Variants in UBASH3A observed in about 807,000 individuals in gnomAD.
UBASH3A encodes ubiquitin associated and SH3 domain containing A, also known as ubiquitin-associated and SH3 domain-containing protein A.
UBASH3A carries 63 observed loss-of-function variants against 73.5 expected under a neutral mutation model. That is an observed-to-expected ratio of 0.86 (90% CI 0.70 to 1.06). UBASH3A has a LOEUF of 1.06. Among genes scored for constraint, UBASH3A ranks in the 50% least tolerant of loss-of-function variants. UBASH3A has a pLI of 0.00. For synonymous variants in UBASH3A, 363 were observed against 351.1 expected (o/e 1.03, Z -0.38); for missense variants, 860 against 859.0 (o/e 1.00, Z -0.02).
At chr21:42,435,182 A>G in intron 10 of UBASH3A, 1 of 383,992 alleles carries the variant, frequency 2.6e-6, no homozygotes, top group Non-Finnish European at 4.6e-6. Context: ...TGATTCAGGA[A>G]GTTGGCAGGA....
At chr21:42,429,521 G>A (rs79268926) in intron 8 of UBASH3A, among the ~76,000 whole-genome samples, 8,437 of 152,256 alleles carry the variant, frequency 0.055, 358 homozygotes, top group Middle Eastern at 0.13. Context: ...ACTTCAGCCC[G>A]CAAGTTGAAA....
intron 6 of UBASH3A, among the ~76,000 whole-genome samples, 177 bp from the exon 7 acceptor site, chr21:42,418,224 G>A (rs536051514): frequency 1.0e-3 from 156 of 152,212 alleles, no homozygotes; most frequent in Non-Finnish European, 1.8e-3. Context: ...TCTATGCTGC[G>A]TTTCATTACA....
At chr21:42,428,927 G>A (rs981513556) in intron 8 of UBASH3A, among the ~76,000 whole-genome samples, 6 of 152,134 alleles carry the variant, frequency 3.9e-5, no homozygotes, top group African/African-American at 1.2e-4. Flanking sequence ...CCCTAATCCC[G>A]GGAACTTGTG....
Position 42,432,089 on chromosome 21 carries a change from GCCCCA to G in UBASH3A, c.1171-9_1171-5del. On this transcript the variant is annotated splice_polypyrimidine_tract_variant and intron_variant, in intron 8 of 14. Coordinates refer to ENST00000319294, the MANE Select transcript of UBASH3A (RefSeq NM_018961.4). The stretch of plus-strand genomic sequence containing the variant: ...TTAAACTGCATGTGCCTTGCTTCCT[GCCCCA>G]CCCCCCAGGCTACCGTTGCAAGGAA... The G allele has an allele frequency of 6.3e-7, 1 of 1,587,362 alleles. No homozygotes were observed. The highest frequency in any genetic ancestry group is 8.6e-7 in the Non-Finnish European group (1 of 1,158,132).
At chr21:42,426,647 C>A (rs2053440945) in intron 7 of UBASH3A, 50 bp from the exon 8 acceptor site, 1 of 1,601,126 alleles carries the variant, frequency 6.2e-7, no homozygotes, top group Non-Finnish European at 8.5e-7. Context: ...GTCTCCATGG[C>A]AACAACATGG....
At chr21:42,431,618 C>A (rs1390944051) in intron 8 of UBASH3A, among the ~76,000 whole-genome samples, 1 of 152,224 alleles carries the variant, frequency 6.6e-6, no homozygotes, top group Non-Finnish European at 1.5e-5. Context: ...GAATTCATAC[C>A]TGGGAGCCAT....
chr21:42,427,721 G>A (rs1353910677), intron 8 of UBASH3A, among the ~76,000 whole-genome samples: 4 of 152,184 alleles, frequency 2.6e-5, no homozygotes, highest in Non-Finnish European at 5.9e-5. Context: ...GGCCCCTGGT[G>A]CGGAGAAACT....
At position 42,434,949 on chromosome 21, in the gene UBASH3A, T is replaced by C. The variant is rs1190019272; in HGVS notation, c.1388T>C (p.Ile463Thr). ...TCGTGTGGCATTTTCCAGTCCAGAATTGCAGGTATGTTTGAGGACTGTCTA... is the reference window on the plus strand; with the variant it reads ...TCGTGTGGCATTTTCCAGTCCAGAACTGCAGGTATGTTTGAGGACTGTCTA... ...LSSCGIFQSR[I>T]AGDALLDSGI... is the part of the protein sequence containing the mutation. Residue 463 changes from isoleucine to threonine, a missense_variant, in exon 10 of 15, where the codon ATT (isoleucine) becomes ACT (threonine). By Grantham distance (89) the Ile-to-Thr change is moderately conservative. Coordinates refer to ENST00000319294, the MANE Select transcript of UBASH3A (RefSeq NM_018961.4). The C allele has an allele frequency of 2.5e-6, 4 of 1,614,002 alleles. No individual in the cohort carries two copies. The African/African-American group carries it at 4.0e-5, about 16-fold the overall frequency.
rs1376325128 is a variant in UBASH3A, at chr21:42,413,187, C to T, written c.518C>T (p.Ala173Val). ...CCCGCAGACGTCATCCGGGAATTCG[C>T]CATGACCTTCGCCACGGAAGCATCT... ...GSPADVIREF[A>V]MTFATEASLL... The change falls in exon 4 of 15, where the codon GCC (alanine) becomes GTC (valine). Residue 173 changes from alanine (A) to valine (V), a missense_variant. Physicochemically the swap from Ala to Val is moderately conservative, Grantham distance 64 (BLOSUM62 0). Coordinates refer to ENST00000319294, the MANE Select transcript of UBASH3A (RefSeq NM_018961.4). This position sits in a 1 kb window ranked among gnomAD's most constrained non-coding sequence, Gnocchi z 4.5. The T allele has an allele frequency of 6.2e-7, 1 of 1,614,244 alleles. No individual in the cohort carries two copies.
chr21:42,421,396 A>G (rs770246372), intron 7 of UBASH3A, among the ~76,000 whole-genome samples: 4 of 152,238 alleles, frequency 2.6e-5, no homozygotes, highest in Non-Finnish European at 5.9e-5. Context: ...CATCGTGGCC[A>G]TCCCTCTGTC....
Position 42,444,542 on chromosome 21 carries a change from A to G in UBASH3A, c.1747A>G (p.Ile583Val), listed in dbSNP as rs2053813312. ...GTTCTTGTTTTCCACAGCGGGTGTC[A>G]TCCTAATTGTGAGTCACGGCTCCAC... Reference protein sequence around the residue: ...VNTCPQDTGVILIVSHGSTLD... With the variant: ...VNTCPQDTGVVLIVSHGSTLD... Residue 583 changes from isoleucine to valine, a missense_variant, in exon 14 of 15, where the codon ATC (isoleucine) becomes GTC (valine). By Grantham distance (29) the Ile-to-Val change is conservative. Coordinates refer to ENST00000319294, the MANE Select transcript of UBASH3A (RefSeq NM_018961.4). The G allele has an allele frequency of 2.5e-6, 4 of 1,612,864 alleles. No individual in the cohort carries two copies. Among genetic ancestry groups the G allele is most frequent in the Non-Finnish European group, 3.4e-6 (4 of 1,179,820 alleles).
chr21:42,409,311 G>T lies in UBASH3A; in HGVS notation c.168-111G>T, dbSNP rs2053041957. On this transcript the variant is annotated intron_variant, in intron 2 of 14. Coordinates refer to ENST00000319294, the MANE Select transcript of UBASH3A (RefSeq NM_018961.4). Reference sequence around the variant, plus strand: ...GTCATGAGCATATATGATGTCTTCAGTGTGCCCTATAATTCTGCATTGCTG... The same window carrying T: ...GTCATGAGCATATATGATGTCTTCATTGTGCCCTATAATTCTGCATTGCTG... 7 of 1,105,200 alleles carry T rather than the reference G, an allele frequency of 6.3e-6. No homozygotes were observed. In the South Asian group the frequency reaches 1.1e-4, roughly 17 times the overall value. 68.5% of individuals were successfully genotyped at this position (1,105,200 alleles called of 1,614,324 possible). A position where few individuals can be genotyped will look rare whatever the true frequency, so the allele number is the denominator to read the frequency against.
Position 42,417,330 on chromosome 21 carries a change from A to T in UBASH3A, c.837+719A>T, listed in dbSNP as rs144507838. On this transcript the variant is annotated intron_variant, in intron 6 of 14. Transcript: ENST00000319294. Reference sequence around the variant, plus strand: ...TCCCAGCTACTCGGGAGGCTGAGGCAGAAGAATCACTTGAACCTGGGAGGT... The same window carrying T: ...TCCCAGCTACTCGGGAGGCTGAGGCTGAAGAATCACTTGAACCTGGGAGGT... Among the ~76,000 whole-genome samples the T allele has an allele frequency of 1.2e-3, 184 of 149,796 alleles. 1 individual carries two copies. Among genetic ancestry groups the T allele is most frequent in the African/African-American group, 4.2e-3 (173 of 40,828 alleles).
At chr21:42,420,870 T>C (rs1001994750) in intron 7 of UBASH3A, among the ~76,000 whole-genome samples, 3 of 152,246 alleles carry the variant, frequency 2.0e-5, no homozygotes, top group African/African-American at 7.2e-5. Context: ...CTAGTCACAT[T>C]TGTAAAATCT....
rs749700822 is a variant in UBASH3A at position 42,437,570 on chromosome 21, C to T, written c.1476C>T (p.Leu492=). The T allele has an allele frequency of 6.8e-6, 11 of 1,614,158 alleles. No individual in the cohort carries two copies. In the East Asian group the frequency reaches 1.6e-4, roughly 23 times the overall value. The change falls in exon 11 of 15, where the codon CTC becomes CTT. Residue 492 remains leucine, a synonymous_variant. Coordinates refer to ENST00000319294, the MANE Select transcript of UBASH3A (RefSeq NM_018961.4). ...TCCGCTGTGTGCAGACGGCCAAACTCATCCTGGAAGGTCAGTGAGAACCTC... is the reference window on the plus strand; with the variant it reads ...TCCGCTGTGTGCAGACGGCCAAACTTATCCTGGAAGGTCAGTGAGAACCTC... ...PALRCVQTAK[L]ILEELKLEKK... is the part of the protein sequence containing the mutation.
intron 11 of UBASH3A, among the ~76,000 whole-genome samples, chr21:42,439,368 C>T (rs1309690898): frequency 2.0e-5 from 3 of 152,194 alleles, no homozygotes; most frequent in Non-Finnish European, 2.9e-5. Context: ...CACCCCTCTG[C>T]ACGGCATCTC....
intron 8 of UBASH3A, among the ~76,000 whole-genome samples, chr21:42,428,850 C>T (rs1056621831): frequency 6.6e-6 from 1 of 152,068 alleles, no homozygotes; most frequent in African/African-American, 2.4e-5. Context: ...GGGATTTCAC[C>T]CCTTCCCTAC....
At chr21:42,426,328 C>T (rs1039626569) in intron 7 of UBASH3A, among the ~76,000 whole-genome samples, 1 of 152,106 alleles carries the variant, frequency 6.6e-6, no homozygotes, top group African/African-American at 2.4e-5. Context: ...GTCCAACAGC[C>T]CCATCATCTG....
chr21:42,425,739 A>G (rs2053423501), intron 7 of UBASH3A, among the ~76,000 whole-genome samples: 1 of 151,968 alleles, frequency 6.6e-6, no homozygotes, highest in Non-Finnish European at 1.5e-5. Context: ...CTGGCTCTGG[A>G]CGGGTCTCGG....
Sources: gnomAD v4.1 joint callset for allele counts (sites outside exome capture counted in the v4.1 genomes callset) on GRCh38, gnomAD v4.1.1 for gene constraint, Gnocchi (gnomAD v3.1) non-coding constraint, MANE v1.5 for transcripts, NCBI Gene and HGNC (gene_info 2026-07-23, HGNC 2026-07-21) for gene names.